The following IMPG1 variants were observed in gnomAD, a reference collection of about 807,000 sequenced individuals.
IMPG1 encodes the protein interphotoreceptor matrix proteoglycan 1.
A neutral mutation model predicts 92.0 loss-of-function variants in IMPG1; 85 were observed. The ratio of observed to expected loss-of-function variants is 0.92; its 90% CI spans 0.78 to 1.11. The LOEUF (loss-of-function observed/expected upper bound fraction) is 1.11. IMPG1 is among the 50% of genes least tolerant of loss of function. The pLI is 0.00. For missense variants in IMPG1, 1,022 were observed against 956.0 expected, an observed-to-expected ratio of 1.07 and a Z score of -0.91; for synonymous variants, 367 against 334.1, an observed-to-expected ratio of 1.10 and a Z score of -1.08.
At position 76,021,215 on chromosome 6, in the gene IMPG1, A is replaced by G. The variant is rs368112534; in HGVS notation, c.666+901T>C. 2.6e-5 allele frequency among the ~76,000 whole-genome samples: 4 copies of G among 152,368 alleles called. No individual in the cohort carries two copies. The East Asian group carries it at 5.8e-4, about 22-fold the overall frequency. ...TTTAGACAAACTGAACCAATTGTCA[A>G]CCAGAAAATGTTTAAATTTACCTAT... On this transcript the variant is annotated intron_variant, in intron 6 of 16. Coordinates refer to ENST00000369950, the MANE Select transcript of IMPG1 (RefSeq NM_001563.4).
At chr6:75,924,671 T>TATTATATATA (rs1781508749) in intron 15 of IMPG1, among the ~76,000 whole-genome samples, 1 of 9,944 alleles carries the variant, frequency 1.0e-4, no homozygotes, top group Non-Finnish European at 1.6e-4. Flanking sequence ...TATAATAAAT[T>TATTATATATA]ATATATTATA....
intron 14 of IMPG1, among the ~76,000 whole-genome samples, chr6:75,940,225 T>G (rs1034196227): frequency 6.6e-6 from 1 of 152,238 alleles, no homozygotes; most frequent in African/African-American, 2.4e-5. Flanking sequence ...GTTCTCTGGC[T>G]TCAGTTGAAG....
At chr6:76,002,227 A>AT (rs1458263288) in intron 12 of IMPG1, among the ~76,000 whole-genome samples, 1 of 152,038 alleles carries the variant, frequency 6.6e-6, no homozygotes, top group Non-Finnish European at 1.5e-5. Flanking sequence ...TAAATCAGCT[A>AT]TTTTTTGCAC....
intron 15 of IMPG1, among the ~76,000 whole-genome samples, chr6:75,924,191 A>G (rs1204236619): frequency 6.6e-6 from 1 of 151,212 alleles, no homozygotes; most frequent in African/African-American, 2.4e-5. Context: ...GTAGGTTCCT[A>G]AAGAAATTAA....
In IMPG1 at chr6:76,042,321, G is replaced by A. The variant is rs368094258; in HGVS notation, c.68-195C>T. Reference sequence around the variant, plus strand: ...AAATAAGAGAATAGTATAATGAGCCGATCAAGCGTATTTTTAAAAAGCCAA... The same window carrying A: ...AAATAAGAGAATAGTATAATGAGCCAATCAAGCGTATTTTTAAAAAGCCAA... On this transcript the variant is annotated intron_variant, in intron 1 of 16. Coordinates refer to ENST00000369950, the MANE Select transcript of IMPG1 (RefSeq NM_001563.4). 7.9e-5 allele frequency among the ~76,000 whole-genome samples: 12 copies of A among 152,128 alleles called. No individual in the cohort carries two copies. The East Asian group carries it at 1.9e-3, about 25-fold the overall frequency.
rs773654123 is a variant in IMPG1 at position 76,005,538 on chromosome 6, T to C, written c.888-4A>G. ...TTGCATCTCTGTGGAGCTTGAGCTG[T>C]AGATAGCAGAGGACACATTCCCCAC... On this transcript the variant is annotated splice_polypyrimidine_tract_variant and splice_region_variant and intron_variant, in intron 9 of 16. Transcript: ENST00000369950. The C allele has an allele frequency of 1.2e-5, 20 of 1,613,270 alleles. No individual in the cohort carries two copies. Among genetic ancestry groups the C allele is most frequent in the Non-Finnish European group, 1.4e-5 (17 of 1,179,662 alleles).
intron 14 of IMPG1, among the ~76,000 whole-genome samples, chr6:75,946,404 G>T (rs1410050467): frequency 2.0e-5 from 3 of 152,164 alleles, no homozygotes; most frequent in African/African-American, 7.2e-5. Context: ...GCCAGAGAGG[G>T]TGTTAAAGAT....
intron 13 of IMPG1, 142 bp from the exon 14 acceptor site, chr6:75,947,675 G>A (rs181685622): frequency 4.7e-6 from 3 of 637,988 alleles, no homozygotes; most frequent in Non-Finnish European, 8.0e-6. Context: ...TGGATTTAAT[G>A]TGAGACCAGA....
chr6:75,924,527 T>TTATAA lies in IMPG1; in HGVS notation c.2244-826_2244-822dup, dbSNP rs371596517. Among the ~76,000 whole-genome samples the TTATAA allele has an allele frequency of 2.6e-4, 13 of 50,368 alleles. No individual in the cohort carries two copies. The East Asian group carries it at 6.5e-3, about 25-fold the overall frequency. 33.0% of individuals were successfully genotyped at this position (50,368 alleles called of 152,430 possible). Reference sequence around the variant, plus strand: ...ATAATATAATTAATATAATTATATATTATAATATAATTATATAATATAATT... The same window carrying TTATAA: ...ATAATATAATTAATATAATTATATATTATAATATAATATAATTATATAATATAATT... On this transcript the variant is annotated intron_variant, in intron 15 of 16. Transcript: ENST00000369950.
rs138431617 is a variant in IMPG1 at position 76,002,981 on chromosome 6, G to T, written c.1228C>A (p.Pro410Thr). Residue 410 changes from proline (P) to threonine (T), a missense_variant, in exon 12 of 17, where the codon CCA becomes ACA. Physicochemically the swap from Pro to Thr is conservative, Grantham distance 38. Coordinates refer to ENST00000369950, the MANE Select transcript of IMPG1 (RefSeq NM_001563.4). Reference sequence around the variant, plus strand: ...TGGGGTTCAACAGGAGGAAGTTCTGGACTCAAAGTAGCATCCTGAAGAATG... The same window carrying T: ...TGGGGTTCAACAGGAGGAAGTTCTGTACTCAAAGTAGCATCCTGAAGAATG... ...AVITEDATLS[P>T]ELPPVEPQLE... is the part of the protein sequence containing the mutation. The T allele has an allele frequency of 5.7e-5, 92 of 1,613,130 alleles. No individual in the cohort carries two copies. In the Middle Eastern group the frequency reaches 6.6e-4, roughly 12 times the overall value.
intron 12 of IMPG1, among the ~76,000 whole-genome samples, chr6:75,987,899 G>A (rs538456896): frequency 2.6e-5 from 4 of 152,126 alleles, no homozygotes; most frequent in Admixed American, 6.5e-5. Context: ...CACCCACCTC[G>A]GCCTCCCAAA....
intron 6 of IMPG1, among the ~76,000 whole-genome samples, chr6:76,019,393 T>C (rs989251718): frequency 1.3e-5 from 2 of 152,202 alleles, no homozygotes; most frequent in Non-Finnish European, 2.9e-5. Context: ...AAAAGTAAAA[T>C]TATCTCTGCG....
chr6:75,965,479 A>C (rs747052842), intron 12 of IMPG1, among the ~76,000 whole-genome samples: 23 of 151,844 alleles, frequency 1.5e-4, no homozygotes, highest in Non-Finnish European at 3.2e-4. Context: ...ATGTGCTTAT[A>C]TACCATCTGT....
intron 14 of IMPG1, among the ~76,000 whole-genome samples, chr6:75,937,173 C>T (rs188898326): frequency 3.3e-5 from 5 of 152,056 alleles, no homozygotes; most frequent in African/African-American, 1.2e-4. Context: ...AGGAGAATTC[C>T]TATGACTGCT....
chr6:75,974,330 C>CTTCTTTCTTT, intron 12 of IMPG1, among the ~76,000 whole-genome samples: 1 of 98,212 alleles, frequency 1.0e-5, no homozygotes, highest in Non-Finnish European at 2.0e-5. Context: ...TCTTTCTTTC[C>CTTCTTTCTTT]CTTTCTTTCT....
At chr6:75,995,167 T>A (rs1782875420) in intron 12 of IMPG1, among the ~76,000 whole-genome samples, 1 of 152,230 alleles carries the variant, frequency 6.6e-6, no homozygotes, top group South Asian at 2.1e-4. Flanking sequence ...AATTCACTTC[T>A]ATTCATCTCT....
intron 14 of IMPG1, among the ~76,000 whole-genome samples, chr6:75,937,737 CT>C (rs2149452684): frequency 6.6e-6 from 1 of 152,200 alleles, no homozygotes; most frequent in Non-Finnish European, 1.5e-5. Flanking sequence ...CAAATTATGC[CT>C]TTTCCAGGGA....
chr6:75,928,238 C>T (rs1238689802), intron 15 of IMPG1, among the ~76,000 whole-genome samples: 3 of 151,166 alleles, frequency 2.0e-5, no homozygotes, highest in African/African-American at 7.3e-5. Context: ...CTTGCTCTGT[C>T]GCCCAGGCTG....
intron 1 of IMPG1, among the ~76,000 whole-genome samples, chr6:76,065,339 A>T (rs1230277566): frequency 6.6e-6 from 1 of 152,114 alleles, no homozygotes; most frequent in Non-Finnish European, 1.5e-5. Context: ...CAAAGAAATC[A>T]GAAAAACAAT....
Sources: gnomAD v4.1 joint callset for allele counts (sites outside exome capture counted in the v4.1 genomes callset) on GRCh38, gnomAD v4.1.1 for gene constraint, MANE v1.5 for transcripts, NCBI Gene and HGNC (gene_info 2026-07-23, HGNC 2026-07-21) for gene names.